Variants in KLF12 observed in about 807,000 individuals in gnomAD.
KLF12 encodes Krueppel-like factor 12.
Under a neutral mutation model 37.8 loss-of-function variants are expected in KLF12, and 9 were observed. The observed-to-expected ratio is 0.24, with a 90% confidence interval of 0.14 to 0.42. The LOEUF (loss-of-function observed/expected upper bound fraction) is 0.42. Ranked by LOEUF, KLF12 falls within the 10% of genes least tolerant of loss-of-function variation. The probability of loss-of-function intolerance (pLI) is 1.00; values close to 1 mark genes in which losing one functional copy is unlikely to be tolerated. For missense variants in KLF12, 411 were observed against 516.0 expected (o/e 0.80, Z 1.97); for synonymous variants, 208 against 202.1 (o/e 1.03, Z -0.25).
intron 5 of KLF12, among the ~76,000 whole-genome samples, chr13:73,805,101 C>G (rs1882488165): frequency 6.6e-6 from 1 of 152,122 alleles, no homozygotes; most frequent in Non-Finnish European, 1.5e-5. Context: ...ACTCAGTGCC[C>G]TTTTAACTCT....
intron 5 of KLF12, among the ~76,000 whole-genome samples, chr13:73,767,583 T>A (rs980006538): frequency 1.3e-5 from 2 of 152,232 alleles, no homozygotes; most frequent in African/African-American, 4.8e-5. Context: ...ATGCTCACAT[T>A]TGGTGATTTA....
chr13:74,263,287 C>A, the KLF12 span, among the ~76,000 whole-genome samples: 1 of 152,006 alleles, frequency 6.6e-6, no homozygotes, highest in Admixed American at 6.6e-5. Flanking sequence ...TTGCTCAAAC[C>A]CATCAGAAAT....
chr13:74,058,139 G>GT (rs1873355725), intron 1 of KLF12, among the ~76,000 whole-genome samples: 1 of 150,920 alleles, frequency 6.6e-6, no homozygotes, highest in Non-Finnish European at 1.5e-5. Context: ...GCTAATTTTT[G>GT]TATTTTTAGT....
At chr13:74,014,092 ACT>A (rs1366407794) in intron 1 of KLF12, among the ~76,000 whole-genome samples, 1 of 152,130 alleles carries the variant, frequency 6.6e-6, no homozygotes, top group African/African-American at 2.4e-5. Flanking sequence ...TTTTAAACTA[ACT>A]CTGAAAAAAT....
At chr13:73,775,653 A>G (rs1880564860) in intron 5 of KLF12, among the ~76,000 whole-genome samples, 2 of 152,238 alleles carry the variant, frequency 1.3e-5, no homozygotes, top group African/African-American at 4.8e-5. Context: ...AGTTGGAGAC[A>G]CTTCATGAAC....
intron 6 of KLF12, among the ~76,000 whole-genome samples, chr13:73,751,716 T>C (rs1878767325): frequency 6.6e-6 from 1 of 152,200 alleles, no homozygotes; most frequent in Non-Finnish European, 1.5e-5. Flanking sequence ...AGTCTTCTTG[T>C]GGAAGAAAGA....
At position 73,934,208 on chromosome 13, in the gene KLF12, TG is replaced by T. The variant is rs1407059242; in HGVS notation, c.123+9772del. Among the ~76,000 whole-genome samples, 4 of 152,264 alleles carry T rather than the reference TG, an allele frequency of 2.6e-5. No homozygotes were observed. The East Asian group carries it at 7.7e-4, about 29-fold the overall frequency. ...ATTGGTCCTGACAACTGTATCTGGT[TG>T]TTTTGTGTGGGTGGCTGCTCTAGAA... is the stretch of plus-strand genomic sequence containing the variant. On this transcript the variant is annotated intron_variant, in intron 3 of 7. Transcript: ENST00000377669.
chr13:74,036,319 C>T (rs548291052), intron 1 of KLF12, among the ~76,000 whole-genome samples: 1 of 152,230 alleles, frequency 6.6e-6, no homozygotes, highest in Admixed American at 6.5e-5. Flanking sequence ...TAACTTCCCA[C>T]GGTACCTAAT....
chr13:73,863,072 G>T (rs1359771052), intron 3 of KLF12, among the ~76,000 whole-genome samples: 1 of 152,060 alleles, frequency 6.6e-6, no homozygotes, highest in African/African-American at 2.4e-5. Context: ...TTCATTATAT[G>T]ATTCCAGCAG....
chr13:74,276,526 A>G, the KLF12 span, among the ~76,000 whole-genome samples: 1 of 152,212 alleles, frequency 6.6e-6, no homozygotes, highest in African/African-American at 2.4e-5. Flanking sequence ...AAGTTTCACA[A>G]TTTACCACAT....
intron 3 of KLF12, among the ~76,000 whole-genome samples, chr13:73,934,562 C>T (rs1007633425): frequency 2.0e-5 from 3 of 152,070 alleles, no homozygotes; most frequent in African/African-American, 7.3e-5. Context: ...TTTCTTTCTT[C>T]TTTCCTGACT....
At chr13:73,789,271 C>T (rs1275630130) in intron 5 of KLF12, among the ~76,000 whole-genome samples, 1 of 152,134 alleles carries the variant, frequency 6.6e-6, no homozygotes, top group Non-Finnish European at 1.5e-5. Flanking sequence ...AATACCTTCT[C>T]CATGTTATCT....
At chr13:73,741,169 A>T (rs1288409665) in intron 6 of KLF12, among the ~76,000 whole-genome samples, 1 of 152,180 alleles carries the variant, frequency 6.6e-6, no homozygotes, top group Non-Finnish European at 1.5e-5. Context: ...CATGGAACAG[A>T]AGGAAATTTG....
intron 3 of KLF12, among the ~76,000 whole-genome samples, chr13:73,922,356 G>A (rs563748212): frequency 1.3e-5 from 2 of 152,184 alleles, no homozygotes; most frequent in Admixed American, 6.5e-5. Context: ...TACAGCACAG[G>A]ACTGAAGATG....
At chr13:74,149,996 G>T in the KLF12 span, among the ~76,000 whole-genome samples, 1 of 152,164 alleles carries the variant, frequency 6.6e-6, no homozygotes, top group Non-Finnish European at 1.5e-5. Flanking sequence ...TTCAAAAATA[G>T]CAATCTCTTT....
At chr13:74,097,165 G>A (rs1352675042) in intron 1 of KLF12, among the ~76,000 whole-genome samples, 8 of 152,286 alleles carry the variant, frequency 5.3e-5, no homozygotes, top group Non-Finnish European at 8.8e-5. Context: ...CAAGAACTAC[G>A]TTTAAAGATA....
intron 1 of KLF12, among the ~76,000 whole-genome samples, chr13:74,111,223 A>G (rs1476252113): frequency 6.6e-6 from 1 of 152,090 alleles, no homozygotes. Context: ...TTGCATTAGC[A>G]AATTTTATTG....
At chr13:73,843,892 G>C (rs1223769014) in intron 4 of KLF12, among the ~76,000 whole-genome samples, 2 of 151,986 alleles carry the variant, frequency 1.3e-5, no homozygotes, top group African/African-American at 4.8e-5. Flanking sequence ...TTCATGTAGA[G>C]ACCAAATTAT....
At chr13:74,139,762 T>G in the KLF12 span, among the ~76,000 whole-genome samples, 5 of 152,280 alleles carry the variant, frequency 3.3e-5, no homozygotes, top group South Asian at 1.0e-3. Flanking sequence ...AAAATGACAT[T>G]TGCAAATTTT....
Sources: gnomAD v4.1 joint callset for allele counts (sites outside exome capture counted in the v4.1 genomes callset) on GRCh38, gnomAD v4.1.1 for gene constraint, MANE v1.5 for transcripts, NCBI Gene and HGNC (gene_info 2026-07-23, HGNC 2026-07-21) for gene names.